The following RNGTT variants were observed in gnomAD, a reference collection of about 807,000 sequenced individuals.
RNGTT encodes mRNA-capping enzyme.
A neutral mutation model predicts 79.3 loss-of-function variants in RNGTT; 33 were observed. The ratio of observed to expected loss-of-function variants is 0.42; its 90% CI spans 0.32 to 0.56. The LOEUF is 0.56. Ranked by LOEUF, RNGTT falls within the 20% of genes least tolerant of loss-of-function variation. RNGTT has a pLI of 0.17. For synonymous variants in RNGTT, 222 were observed against 235.9 expected (o/e 0.94, Z 0.54); for missense variants, 497 against 739.1 (o/e 0.67, Z 3.80).
rs563038598 is a variant in RNGTT at position 88,830,696 on chromosome 6, T to C, written c.1269+13661A>G. 5.3e-5 allele frequency among the ~76,000 whole-genome samples: 8 copies of C among 150,474 alleles called. No individual in the cohort carries two copies. In the South Asian group the frequency reaches 1.7e-3, roughly 32 times the overall value. On this transcript the variant is annotated intron_variant, in intron 11 of 15. Transcript: ENST00000369485. Reference sequence around the variant, plus strand: ...AAAATAGATAGACCACTAGCCAGACTAATAAAGAAGAAAAGTGAGAAGAAT... The same window carrying C: ...AAAATAGATAGACCACTAGCCAGACCAATAAAGAAGAAAAGTGAGAAGAAT...
At chr6:88,739,769 ATATATATATG>A (rs1490997729) in intron 13 of RNGTT, among the ~76,000 whole-genome samples, 6 of 78,862 alleles carry the variant, frequency 7.6e-5, no homozygotes, top group Admixed American at 1.3e-4. Context: ...ATATATATAT[ATATATATATG>A]TTAACACATG....
rs78433166 is a variant in RNGTT, at chr6:88,617,384, T to C, written c.1507-2989A>G. Among the ~76,000 whole-genome samples the C allele has an allele frequency of 5.1e-3, 774 of 152,350 alleles. 7 individuals carry two copies. The highest frequency in any genetic ancestry group is 0.018 in the African/African-American group (729 of 41,580). ...ATATGGTGTAAGGTAGGGGTTCAAC[T>C]TCATTCTTTTGCATGTGGATATTGC... On this transcript the variant is annotated intron_variant, in intron 14 of 15. Transcript: ENST00000369485.
intron 13 of RNGTT, among the ~76,000 whole-genome samples, chr6:88,698,259 A>G (rs1333383595): frequency 5.1e-5 from 5 of 97,710 alleles, no homozygotes; most frequent in South Asian, 2.5e-4. Context: ...ATATATATAT[A>G]AATATATATG....
intron 13 of RNGTT, among the ~76,000 whole-genome samples, chr6:88,696,908 T>C (rs1391352318): frequency 6.6e-6 from 1 of 152,182 alleles, no homozygotes; most frequent in Non-Finnish European, 1.5e-5. Context: ...TGAGTGGATA[T>C]AATTCACAAA....
At chr6:88,845,279 T>C (rs1781448248) in intron 10 of RNGTT, among the ~76,000 whole-genome samples, 1 of 152,180 alleles carries the variant, frequency 6.6e-6, no homozygotes, top group East Asian at 1.9e-4. Flanking sequence ...GTTTACATAA[T>C]ATGTTCAAAG....
At chr6:88,746,854 A>C (rs973588111) in intron 13 of RNGTT, among the ~76,000 whole-genome samples, 4 of 152,184 alleles carry the variant, frequency 2.6e-5, no homozygotes, top group African/African-American at 9.7e-5. Flanking sequence ...ATTCCAGGGA[A>C]GTGATGCCAA....
chr6:88,930,936 T>C (rs1784496153), intron 2 of RNGTT, among the ~76,000 whole-genome samples: 1 of 152,050 alleles, frequency 6.6e-6, no homozygotes, highest in Admixed American at 6.6e-5. Flanking sequence ...AAAGAAACCA[T>C]CCAAGTAAAG....
intron 2 of RNGTT, among the ~76,000 whole-genome samples, chr6:88,929,812 A>G (rs1175933835): frequency 2.0e-5 from 3 of 151,660 alleles, no homozygotes; most frequent in Non-Finnish European, 2.9e-5. Flanking sequence ...GTGTATATAT[A>G]TATACATACA....
chr6:88,720,815 AG>A (rs1776683924), intron 13 of RNGTT, among the ~76,000 whole-genome samples: 1 of 152,158 alleles, frequency 6.6e-6, no homozygotes, highest in Admixed American at 6.5e-5. Context: ...ACATTCATTA[AG>A]GGTTAAGGCA....
intron 14 of RNGTT, among the ~76,000 whole-genome samples, chr6:88,635,838 A>G (rs1322444697): frequency 2.0e-5 from 3 of 151,710 alleles, no homozygotes; most frequent in African/African-American, 7.3e-5. Flanking sequence ...TACTTAATAT[A>G]TCACTCCTAT....
chr6:88,670,099 G>C (rs1053319714), intron 14 of RNGTT, among the ~76,000 whole-genome samples: 2 of 152,186 alleles, frequency 1.3e-5, no homozygotes, highest in Non-Finnish European at 2.9e-5. Context: ...GGAAAGAGGG[G>C]TCTGTGGAAA....
intron 13 of RNGTT, among the ~76,000 whole-genome samples, chr6:88,696,887 G>C (rs769197436): frequency 1.3e-5 from 2 of 152,110 alleles, no homozygotes; most frequent in Non-Finnish European, 2.9e-5. Flanking sequence ...TAGAAACAGA[G>C]AAATTTAAGC....
intron 4 of RNGTT, among the ~76,000 whole-genome samples, chr6:88,916,275 C>T (rs952549572): frequency 3.3e-4 from 50 of 152,252 alleles, no homozygotes; most frequent in Non-Finnish European, 3.4e-4. Context: ...AAGTTCAGGA[C>T]CAGCCTGGGC....
intron 4 of RNGTT, among the ~76,000 whole-genome samples, chr6:88,909,253 G>C (rs1783756809): frequency 1.3e-5 from 2 of 152,210 alleles, no homozygotes; most frequent in Non-Finnish European, 2.9e-5. Flanking sequence ...GGTTGCGCCT[G>C]CTCCTGAGAC....
intron 11 of RNGTT, among the ~76,000 whole-genome samples, chr6:88,832,275 G>GA (rs1410261125): frequency 6.6e-6 from 1 of 152,120 alleles, no homozygotes; most frequent in Non-Finnish European, 1.5e-5. Flanking sequence ...AGAGGCCTCA[G>GA]AAAAAACGCC....
chr6:88,775,857 T>C (rs1582447003), intron 12 of RNGTT, among the ~76,000 whole-genome samples: 1 of 152,238 alleles, frequency 6.6e-6, no homozygotes, highest in Admixed American at 6.5e-5. Flanking sequence ...ATCCATGTTG[T>C]TATAAATGAC....
At chr6:88,730,997 A>G (rs1158138210) in intron 13 of RNGTT, among the ~76,000 whole-genome samples, 1 of 152,136 alleles carries the variant, frequency 6.6e-6, no homozygotes, top group Non-Finnish European at 1.5e-5. Flanking sequence ...AAAGACTGAT[A>G]TTTTGTCATA....
chr6:88,723,119 GA>G (rs1241544885), intron 13 of RNGTT, among the ~76,000 whole-genome samples: 3 of 152,176 alleles, frequency 2.0e-5, no homozygotes. Context: ...AGGTATTCCA[GA>G]ACATGGCATT....
At chr6:88,742,696 A>G (rs1472524896) in intron 13 of RNGTT, among the ~76,000 whole-genome samples, 1 of 152,196 alleles carries the variant, frequency 6.6e-6, no homozygotes, top group African/African-American at 2.4e-5. Flanking sequence ...TAAGCACTAA[A>G]TGAATTCCAA....
Sources: gnomAD v4.1 joint callset for allele counts (sites outside exome capture counted in the v4.1 genomes callset) on GRCh38, gnomAD v4.1.1 for gene constraint, MANE v1.5 for transcripts, NCBI Gene and HGNC (gene_info 2026-07-23, HGNC 2026-07-21) for gene names.